STX2: variants seen among roughly 807,000 people sequenced by gnomAD.
STX2 encodes syntaxin-2.
In STX2, 27 loss-of-function variants were observed where a neutral mutation model predicts 40.6. The ratio of observed to expected loss-of-function variants is 0.66; its 90% CI spans 0.49 to 0.92. The LOEUF is 0.92. STX2 is among the 40% of genes least tolerant of loss of function. The probability of loss-of-function intolerance (pLI) is 0.00; values close to 1 mark genes in which losing one functional copy is unlikely to be tolerated. For missense variants in STX2, 328 were observed against 366.1 expected (o/e 0.90, Z 0.85); for synonymous variants, 123 against 119.1 (o/e 1.03, Z -0.22).
intron 3 of STX2, among the ~76,000 whole-genome samples, chr12:130,814,372 C>T (rs901074523): frequency 3.9e-5 from 6 of 152,148 alleles, no homozygotes; most frequent in African/African-American, 1.2e-4. Flanking sequence ...GCGTCTGCTG[C>T]AGCTGTCCCA....
intron 3 of STX2, among the ~76,000 whole-genome samples, chr12:130,820,717 T>G (rs1035580501): frequency 6.6e-6 from 1 of 151,972 alleles, no homozygotes; most frequent in Non-Finnish European, 1.5e-5. Context: ...ACGACTTGCA[T>G]TAACATCAAA....
intron 10 of STX2, among the ~76,000 whole-genome samples, chr12:130,792,646 T>G (rs1950912497): frequency 6.6e-6 from 1 of 152,122 alleles, no homozygotes; most frequent in African/African-American, 2.4e-5. Context: ...AAATATGTTT[T>G]TAAGAGATGG....
chr12:130,833,357 C>T (rs919691798), intron 1 of STX2, among the ~76,000 whole-genome samples: 4 of 151,722 alleles, frequency 2.6e-5, no homozygotes, highest in Non-Finnish European at 5.9e-5. Context: ...CTCCATCCCT[C>T]ATGAGGGCTG....
intron 1 of STX2, among the ~76,000 whole-genome samples, chr12:130,828,873 AAAAAAAAAG>A (rs961677725): frequency 1.3e-5 from 2 of 149,720 alleles, no homozygotes; most frequent in Non-Finnish European, 3.0e-5. Context: ...GTCTCAAAAA[AAAAAAAAAG>A]AAAAGAAAAG....
chr12:130,818,181 AAAAAATATATAT>A (rs1364557667), intron 3 of STX2, among the ~76,000 whole-genome samples: 1 of 20,176 alleles, frequency 5.0e-5, no homozygotes, highest in Non-Finnish European at 9.3e-5. Context: ...AAAAAAAAAA[AAAAAATATATAT>A]ATATATATAT....
intron 9 of STX2, among the ~76,000 whole-genome samples, chr12:130,798,237 C>G (rs1400128931): frequency 1.7e-5 from 2 of 115,626 alleles, no homozygotes; most frequent in Non-Finnish European, 3.5e-5. Context: ...GCAACAAGAG[C>G]GAAACTCCAA....
At chr12:130,828,234 T>G (rs972046984) in intron 1 of STX2, among the ~76,000 whole-genome samples, 1 of 152,108 alleles carries the variant, frequency 6.6e-6, no homozygotes, top group African/African-American at 2.4e-5. Context: ...CTCTTTTTTT[T>G]TGGAAACAAA....
At position 130,801,184 on chromosome 12, in the gene STX2, A is replaced by T. The variant is rs1448417849; in HGVS notation, c.644T>A (p.Phe215Tyr). ...ETSIRELHEM[F>Y]MDMAMFVETQ... ...CTCCACAAACATAGCCATGTCCATGAACATCTCATGCAACTCTCGGATGCT... is the reference window on the plus strand; with the variant it reads ...CTCCACAAACATAGCCATGTCCATGTACATCTCATGCAACTCTCGGATGCT... The change falls in exon 8 of 11, where the codon TTC becomes TAC. Residue 215 changes from phenylalanine (F) to tyrosine (Y), a missense_variant. Physicochemically the swap from Phe to Tyr is conservative, Grantham distance 22. Coordinates refer to ENST00000392373, the MANE Select transcript of STX2 (RefSeq NM_194356.4). The T allele has an allele frequency of 6.2e-7, 1 of 1,613,690 alleles. No homozygotes were observed. The highest frequency in any genetic ancestry group is 1.3e-5 in the African/African-American group (1 of 74,944).
At chr12:130,822,971 G>A (rs1159047457) in intron 2 of STX2, among the ~76,000 whole-genome samples, 2 of 152,192 alleles carry the variant, frequency 1.3e-5, no homozygotes, top group Non-Finnish European at 2.9e-5. Flanking sequence ...GGAGCAAGAT[G>A]CTCTGCTGCC....
intron 2 of STX2, among the ~76,000 whole-genome samples, chr12:130,826,585 A>G (rs1952319705): frequency 6.6e-6 from 1 of 152,220 alleles, no homozygotes; most frequent in Non-Finnish European, 1.5e-5. Flanking sequence ...CTCATTATTA[A>G]CATTGTGATC....
chr12:130,812,795 T>C (rs1951709320), intron 4 of STX2, among the ~76,000 whole-genome samples, 162 bp downstream of exon 4: 1 of 152,214 alleles, frequency 6.6e-6, no homozygotes, highest in African/African-American at 2.4e-5. Flanking sequence ...CATAACCTTT[T>C]TGAATATTAA....
At position 130,789,619 on chromosome 12, in the gene STX2, TATTA is replaced by T. The variant is rs1210761250; in HGVS notation, c.*2400_*2403del. On this transcript the variant is annotated 3_prime_UTR_variant, in exon 11 of 11. Coordinates refer to ENST00000392373, the MANE Select transcript of STX2 (RefSeq NM_194356.4). Reference sequence around the variant, plus strand: ...GAGCAATTTTCCTAGTAGAACAATTTATTAATTAATATGCAATAAAATATCTCCC... The same window carrying T: ...GAGCAATTTTCCTAGTAGAACAATTTATTAATATGCAATAAAATATCTCCC... The T allele has an allele frequency of 2.0e-5, 3 of 152,302 alleles. No homozygotes were observed. The highest frequency in any genetic ancestry group is 7.2e-5 in the African/African-American group (3 of 41,462). The allele number at this position is 152,302 out of a possible 1,614,324, so 9.4% of individuals were successfully genotyped here. A position where few individuals can be genotyped will look rare whatever the true frequency, so the allele number is the denominator to read the frequency against.
At chr12:130,804,662 C>T (rs745566440) in intron 6 of STX2, among the ~76,000 whole-genome samples, 3 of 152,106 alleles carry the variant, frequency 2.0e-5, no homozygotes, top group Non-Finnish European at 4.4e-5. Context: ...GATTTGTTAG[C>T]CTCTTTCTTT....
intron 2 of STX2, among the ~76,000 whole-genome samples, chr12:130,824,914 C>T (rs139409871): frequency 2.8e-4 from 43 of 152,308 alleles, no homozygotes; most frequent in African/African-American, 8.4e-4. Context: ...GCAAGCCTTC[C>T]TAAAGTACGA....
intron 2 of STX2, among the ~76,000 whole-genome samples, chr12:130,822,826 G>A (rs1297129333): frequency 6.6e-6 from 1 of 152,196 alleles, no homozygotes; most frequent in Non-Finnish European, 1.5e-5. Flanking sequence ...ACCCTGAGCA[G>A]TAGGATATAA....
chr12:130,819,647 T>C (rs1314877315), intron 3 of STX2, among the ~76,000 whole-genome samples: 6 of 152,248 alleles, frequency 3.9e-5, no homozygotes, highest in African/African-American at 1.2e-4. Context: ...AAAATGCGGA[T>C]ACTTATTCAA....
intron 6 of STX2, among the ~76,000 whole-genome samples, chr12:130,806,219 C>T (rs1206078711): frequency 6.6e-6 from 1 of 152,188 alleles, no homozygotes; most frequent in African/African-American, 2.4e-5. Flanking sequence ...CGTTGGGAGC[C>T]GGGATGGGCC....
Position 130,796,094 on chromosome 12 carries a change from T to C in STX2, c.813A>G (p.Ser271=), listed in dbSNP as rs73457951. 1,346 of 1,614,134 alleles carry C rather than the reference T, an allele frequency of 8.3e-4. 11 individuals carry two copies. In the African/African-American group the frequency reaches 0.016, roughly 19 times the overall value. Residue 271 remains serine (S), a synonymous_variant, in exon 10 of 11, where the codon TCA becomes TCG. Transcript: ENST00000392373. Reference sequence around the variant, plus strand: ...GAGCGATTATGGCAACCAGAACCACTGACACAGCAATAATTATCCACTTTT... The same window carrying C: ...GAGCGATTATGGCAACCAGAACCACCGACACAGCAATAATTATCCACTTTT... ...RRKKWIIIAV[S]VVLVAIIALI...
chr12:130,839,037 G>A (rs1952833681), intron 1 of STX2, 33 bp downstream of exon 1: 3 of 1,198,164 alleles, frequency 2.5e-6, no homozygotes, highest in African/African-American at 1.7e-5. Flanking sequence ...CGCCCCGGCC[G>A]GGCCTGAACC....
Sources: allele counts gnomAD v4.1 joint callset (sites outside exome capture counted in the v4.1 genomes callset), GRCh38; gene constraint gnomAD v4.1.1; transcripts MANE v1.5; gene names NCBI Gene and HGNC (gene_info 2026-07-23, HGNC 2026-07-21).